The following GIMAP8 variants were observed in gnomAD, a reference collection of about 807,000 sequenced individuals.
The protein encoded by GIMAP8 is GTPase, IMAP family member 8.
GIMAP8 carries 29 observed loss-of-function variants against 35.6 expected under a neutral mutation model. The observed-to-expected ratio is 0.81, with a 90% CI of 0.61 to 1.11. The LOEUF (loss-of-function observed/expected upper bound fraction) is 1.11, where lower values mean the gene tolerates loss of function less well. GIMAP8 is among the 50% of genes most tolerant of loss of function. GIMAP8 has a pLI of 0.00. For synonymous variants in GIMAP8, 335 were observed against 308.7 expected, an observed-to-expected ratio of 1.09 and a Z score of -0.89; for missense variants, 811 against 805.0, an observed-to-expected ratio of 1.01 and a Z score of -0.09.
chr7:150,453,965 C>CAGCT lies in GIMAP8; in HGVS notation c.-29+2791_-29+2794dup, dbSNP rs368338896. On this transcript the variant is annotated intron_variant, in intron 1 of 4. Coordinates refer to ENST00000307271, the MANE Select transcript of GIMAP8 (RefSeq NM_175571.4). ...TGTCAGTGGGGCACAGAGGCATGGA[C>CAGCT]AGCTCTTTAATAGCGGGTGGAGGCT... 1.3e-3 allele frequency among the ~76,000 whole-genome samples: 199 copies of CAGCT among 152,020 alleles called. 1 individual carries two copies. Among genetic ancestry groups the CAGCT allele is most frequent in the African/African-American group, 4.7e-3 (194 of 41,448 alleles).
intron 1 of GIMAP8, among the ~76,000 whole-genome samples, chr7:150,456,891 A>T (rs1801741963): frequency 6.6e-6 from 1 of 152,256 alleles, no homozygotes; most frequent in Non-Finnish European, 1.5e-5. Context: ...GAAGAAAATA[A>T]AGAATATCTC....
chr7:150,473,118 TC>T (rs1802132227), intron 3 of GIMAP8, among the ~76,000 whole-genome samples: 1 of 152,170 alleles, frequency 6.6e-6, no homozygotes, highest in Non-Finnish European at 1.5e-5. Flanking sequence ...CTCAGACCCT[TC>T]CCACGAAGGC....
Position 150,472,500 on chromosome 7 carries a change from A to G in GIMAP8, c.683-1512A>G, listed in dbSNP as rs2116613313. Among the ~76,000 whole-genome samples, 1 of 152,262 alleles carries G rather than the reference A, an allele frequency of 6.6e-6. No individual in the cohort carries two copies. Among genetic ancestry groups the G allele is most frequent in the South Asian group, 2.1e-4 (1 of 4,826 alleles). On this transcript the variant is annotated intron_variant, in intron 3 of 4. Transcript: ENST00000307271. This position sits in a 1 kb window ranked among gnomAD's most constrained non-coding sequence, Gnocchi z 4.1. Reference sequence around the variant, plus strand: ...GATTTTCTGTAATACTGTGGATGAGAGACAGGAGGGTGCCATGGCCTTGCT... The same window carrying G: ...GATTTTCTGTAATACTGTGGATGAGGGACAGGAGGGTGCCATGGCCTTGCT...
chr7:150,474,045 C>T lies in GIMAP8; in HGVS notation c.716C>T (p.Pro239Leu). ...GAAAGGCAGCTGCAGTCCACAGGAC[C>T]CGAGCAGAATCCGGGGACATCAGAA... is the stretch of plus-strand genomic sequence containing the variant. ...PRERQLQSTG[P>L]EQNPGTSELT... Residue 239 changes from proline to leucine, a missense_variant, in exon 4 of 5, where the codon CCC becomes CTC. Pro to Leu is a moderately conservative substitution (Grantham distance 98, BLOSUM62 -3). Coordinates refer to ENST00000307271, the MANE Select transcript of GIMAP8 (RefSeq NM_175571.4). 1.2e-6 allele frequency: 2 copies of T among 1,613,930 alleles called. No homozygotes were observed. Among genetic ancestry groups the T allele is most frequent in the Non-Finnish European group, 1.7e-6 (2 of 1,179,944 alleles).
chr7:150,467,846 A>G (rs1802005151), intron 2 of GIMAP8, among the ~76,000 whole-genome samples: 1 of 152,152 alleles, frequency 6.6e-6, no homozygotes. Flanking sequence ...TTTTCAAATG[A>G]GTAGTAACTC....
chr7:150,470,765 T>TTTTTTTTTGTGGAAGATGAGG, intron 2 of GIMAP8, 64 bp from the exon 3 acceptor site: 1 of 736,992 alleles, frequency 1.4e-6, no homozygotes, highest in Non-Finnish European at 2.1e-6. Flanking sequence ...TTTTTTTTTT[T>TTTTTTTTTGTGGAAGATGAGG]TTTCAGTTTG....
At chr7:150,467,698 C>G (rs535138519) in intron 2 of GIMAP8, among the ~76,000 whole-genome samples, 1 of 152,134 alleles carries the variant, frequency 6.6e-6, no homozygotes, top group Non-Finnish European at 1.5e-5. Flanking sequence ...TTCCAAAGAT[C>G]GCTGAGTCCT....
chr7:150,476,288 C>T (rs1019542677), intron 4 of GIMAP8, among the ~76,000 whole-genome samples: 2 of 152,236 alleles, frequency 1.3e-5, no homozygotes, highest in African/African-American at 4.8e-5. Context: ...TACGAAGAGA[C>T]TTGAATGAGC....
intron 1 of GIMAP8, among the ~76,000 whole-genome samples, chr7:150,457,183 T>G (rs1801747168): frequency 1.3e-5 from 2 of 152,262 alleles, no homozygotes; most frequent in Admixed American, 6.5e-5. Flanking sequence ...AGGGACAGGC[T>G]CTGGCTTGTT....
At chr7:150,462,921 A>G (rs1801871095) in intron 1 of GIMAP8, among the ~76,000 whole-genome samples, 1 of 152,174 alleles carries the variant, frequency 6.6e-6, no homozygotes, top group Non-Finnish European at 1.5e-5. Context: ...TATTTATTAC[A>G]TAGATTTTCT....
In GIMAP8 at chr7:150,467,527, G is replaced by A. The variant is rs141284772; in HGVS notation, c.636+193G>A. 2.6e-3 allele frequency among the ~76,000 whole-genome samples: 394 copies of A among 152,260 alleles called. 2 individuals carry two copies. Among genetic ancestry groups the A allele is most frequent in the African/African-American group, 9.0e-3 (374 of 41,540 alleles). On this transcript the variant is annotated intron_variant, in intron 2 of 4. Coordinates refer to ENST00000307271, the MANE Select transcript of GIMAP8 (RefSeq NM_175571.4). ...TTTAATTATCAGCCTAAGGACTTTA[G>A]GCTTTATTAGCAAATTAATGGACAA...
rs1802127903 is a variant in GIMAP8 at position 150,472,975 on chromosome 7, C to T, written c.683-1037C>T. On this transcript the variant is annotated intron_variant, in intron 3 of 4. Transcript: ENST00000307271. This position sits in a 1 kb window ranked among gnomAD's most constrained non-coding sequence, Gnocchi z 4.1. ...CTTTACAGGTGCTGTTTCCTTTAGT[C>T]TTTTCAACCTCAACGTGGGCATTAG... 6.6e-6 allele frequency among the ~76,000 whole-genome samples: 1 copy of T among 152,200 alleles called. No individual in the cohort carries two copies. Among genetic ancestry groups the T allele is most frequent in the Admixed American group, 6.5e-5 (1 of 15,278 alleles).
rs763450247 is a variant in GIMAP8 at position 150,467,289 on chromosome 7, A to G, written c.591A>G (p.Gly197=). 5 of 1,614,184 alleles carry G rather than the reference A, an allele frequency of 3.1e-6. No individual in the cohort carries two copies. In the East Asian group the frequency reaches 8.9e-5, roughly 29 times the overall value. Residue 197 remains glycine, a synonymous_variant, in exon 2 of 5, where the codon GGA becomes GGG. Coordinates refer to ENST00000307271, the MANE Select transcript of GIMAP8 (RefSeq NM_175571.4). Reference sequence around the variant, plus strand: ...TTGAGTCTTTGGTGAATACGAACGGAGGACCCTATCATGTGAACTTCAAAA... The same window carrying G: ...TTGAGTCTTTGGTGAATACGAACGGGGGACCCTATCATGTGAACTTCAAAA... ...RKVESLVNTN[G]GPYHVNFKTE... is the part of the protein sequence containing the mutation.
chr7:150,453,229 A>T (rs1471315744), intron 1 of GIMAP8, among the ~76,000 whole-genome samples: 1 of 152,232 alleles, frequency 6.6e-6, no homozygotes, highest in Non-Finnish European at 1.5e-5. Context: ...CATAGGGTGT[A>T]TCTGGGTGAA....
At chr7:150,460,606 T>G (rs1188772694) in intron 1 of GIMAP8, among the ~76,000 whole-genome samples, 2 of 152,242 alleles carry the variant, frequency 1.3e-5, no homozygotes, top group Non-Finnish European at 2.9e-5. Flanking sequence ...CTGTCCACTT[T>G]GGGTAGTGCC....
intron 4 of GIMAP8, among the ~76,000 whole-genome samples, chr7:150,475,715 C>T (rs914543136): frequency 3.3e-5 from 5 of 152,196 alleles, no homozygotes; most frequent in Admixed American, 1.3e-4. Context: ...TTATTGAACC[C>T]TCCTTTAGAA....
chr7:150,470,948 G>A lies in GIMAP8; in HGVS notation c.682+74G>A, dbSNP rs73726137. ...ATGCATTCTGCAGCCAAAGTGAAGC[G>A]GAAACATTATCCATATAAACCAGAA... is the stretch of plus-strand genomic sequence containing the variant. On this transcript the variant is annotated intron_variant, in intron 3 of 4. Transcript: ENST00000307271. The A allele has an allele frequency of 4.7e-3, 5,356 of 1,136,630 alleles. 208 individuals are homozygous for A. In the African/African-American group the frequency reaches 0.074, roughly 16 times the overall value. The allele number at this position is 1,136,630 out of a possible 1,614,324, so 70.4% of individuals were successfully genotyped here. A position where few individuals can be genotyped will look rare whatever the true frequency, so the allele number is the denominator to read the frequency against.
chr7:150,452,675 G>GAGAT (rs1554492376), intron 1 of GIMAP8, among the ~76,000 whole-genome samples: 2 of 79,672 alleles, frequency 2.5e-5, no homozygotes, highest in Non-Finnish European at 4.6e-5. Flanking sequence ...GTGTGTGTGA[G>GAGAT]ATATATATAT....
intron 1 of GIMAP8, among the ~76,000 whole-genome samples, chr7:150,452,709 T>TATATATATATATATATACAC (rs1373884339): frequency 3.5e-4 from 37 of 106,604 alleles, no homozygotes; most frequent in African/African-American, 4.4e-4. Flanking sequence ...TATATATATA[T>TATATATATATATATATACAC]ACATGCGAGT....
Sources: gnomAD v4.1 joint callset for allele counts (sites outside exome capture counted in the v4.1 genomes callset) on GRCh38, gnomAD v4.1.1 for gene constraint, Gnocchi (gnomAD v3.1) non-coding constraint, MANE v1.5 for transcripts, NCBI Gene and HGNC (gene_info 2026-07-23, HGNC 2026-07-21) for gene names.